SAMSN1: variants seen among roughly 807,000 people sequenced by gnomAD.
SAMSN1 encodes SAM domain-containing protein SAMSN-1.
A neutral mutation model predicts 42.0 loss-of-function variants in SAMSN1; 31 were observed. That is an observed-to-expected ratio of 0.74 (90% CI 0.55 to 1.00). The LOEUF is 1.00. Among genes scored for constraint, SAMSN1 ranks in the 50% least tolerant of loss-of-function variants. The pLI is 0.00. For synonymous variants in SAMSN1, 178 were observed against 151.9 expected, an observed-to-expected ratio of 1.17 and a Z score of -1.26; for missense variants, 464 against 439.4, an observed-to-expected ratio of 1.06 and a Z score of -0.50.
chr21:14,603,496 T>A (rs1982490189), intron 5 of SAMSN1, among the ~76,000 whole-genome samples: 1 of 151,902 alleles, frequency 6.6e-6, no homozygotes, highest in Non-Finnish European at 1.5e-5. Context: ...TTTGAAAAAG[T>A]GGAAGGAAAG....
chr21:14,557,396 T>C (rs1980795776), intron 2 of SAMSN1, among the ~76,000 whole-genome samples: 1 of 152,170 alleles, frequency 6.6e-6, no homozygotes, highest in South Asian at 2.1e-4. Context: ...CCTCTCTCCT[T>C]CAGGGACAAA....
At chr21:14,621,985 G>A (rs1414182467) in intron 2 of SAMSN1, among the ~76,000 whole-genome samples, 1 of 152,234 alleles carries the variant, frequency 6.6e-6, no homozygotes, top group Non-Finnish European at 1.5e-5. Flanking sequence ...CTGTTCTGCA[G>A]CCTCTGCTGC....
rs150653891 is a variant in SAMSN1, at chr21:14,600,176, T to C, written c.399+1847A>G. 5.6e-3 allele frequency among the ~76,000 whole-genome samples: 856 copies of C among 152,328 alleles called. 9 individuals carry two copies. The highest frequency in any genetic ancestry group is 0.019 in the African/African-American group (798 of 41,582). ...AGTTTCATGCCATAGTCCACTCTTA[T>C]GCACACTGACAAGCCACTTTGCTAC... On this transcript the variant is annotated intron_variant, in intron 6 of 15. Coordinates refer to the SAMSN1 transcript ENST00000647101.
intron 7 of SAMSN1, among the ~76,000 whole-genome samples, chr21:14,593,262 A>G (rs559196406): frequency 1.6e-4 from 25 of 152,288 alleles, no homozygotes; most frequent in African/African-American, 5.8e-4. Context: ...TCACAAAATT[A>G]CAGTTACATT....
At chr21:14,592,620 C>T (rs150401880) in intron 7 of SAMSN1, 3 of 379,298 alleles carry the variant, frequency 7.9e-6, no homozygotes, top group African/African-American at 4.3e-5. Context: ...TCTTTTGTTA[C>T]TTTACATAAA....
intron 2 of SAMSN1, among the ~76,000 whole-genome samples, chr21:14,555,089 T>C (rs1383312440): frequency 6.6e-6 from 1 of 152,176 alleles, no homozygotes; most frequent in Admixed American, 6.5e-5. Context: ...AACCTTTCCA[T>C]GCCCTGCTGG....
At chr21:14,596,842 A>G (rs994993099) in intron 6 of SAMSN1, among the ~76,000 whole-genome samples, 15 of 152,006 alleles carry the variant, frequency 9.9e-5, no homozygotes, top group African/African-American at 3.6e-4. Context: ...CACATGAGAG[A>G]CTCTAAGCTA....
chr21:14,555,464 T>C (rs931821142), intron 2 of SAMSN1, among the ~76,000 whole-genome samples: 5 of 152,214 alleles, frequency 3.3e-5, no homozygotes, highest in Non-Finnish European at 7.3e-5. Context: ...AGCTCCTAAC[T>C]ATATGAAACA....
intron 1 of SAMSN1, among the ~76,000 whole-genome samples, chr21:14,644,047 G>A (rs895272338): frequency 1.3e-5 from 2 of 152,046 alleles, no homozygotes; most frequent in African/African-American, 4.8e-5. Context: ...TTGCCGCCCA[G>A]GGCTGCAGCA....
intron 5 of SAMSN1, among the ~76,000 whole-genome samples, chr21:14,509,047 C>T (rs367768673): frequency 1.1e-4 from 17 of 151,598 alleles, no homozygotes; most frequent in South Asian, 8.3e-4. Context: ...ACCCAGGAGG[C>T]GGAGGTTTCA....
At chr21:14,529,392 A>G (rs1568789983) in intron 1 of SAMSN1, among the ~76,000 whole-genome samples, 1 of 152,174 alleles carries the variant, frequency 6.6e-6, no homozygotes, top group Non-Finnish European at 1.5e-5. Context: ...ATCCCACATT[A>G]CTCTTCAAGT....
chr21:14,562,003 A>G (rs1281494731), intron 2 of SAMSN1, among the ~76,000 whole-genome samples: 1 of 152,272 alleles, frequency 6.6e-6, no homozygotes, highest in Non-Finnish European at 1.5e-5. Context: ...AGCCTCCAGA[A>G]CTGAGACAAT....
chr21:14,623,170 A>T (rs895195833), intron 2 of SAMSN1, among the ~76,000 whole-genome samples: 2 of 152,246 alleles, frequency 1.3e-5, no homozygotes, highest in African/African-American at 4.8e-5. Context: ...AAAACATGAC[A>T]AATTGTAAAG....
chr21:14,504,773 G>T (rs189231070), intron 5 of SAMSN1, among the ~76,000 whole-genome samples: 92 of 152,310 alleles, frequency 6.0e-4, no homozygotes, highest in African/African-American at 2.2e-3. Flanking sequence ...ATTGCAAAGA[G>T]ATGATTGCCT....
chr21:14,645,278 G>A (rs1283112598), intron 1 of SAMSN1, among the ~76,000 whole-genome samples: 1 of 152,252 alleles, frequency 6.6e-6, no homozygotes, highest in Non-Finnish European at 1.5e-5. Flanking sequence ...AGGGGTGCCA[G>A]TGTCATTCCA....
At chr21:14,508,375 C>A (rs1987518790) in intron 5 of SAMSN1, among the ~76,000 whole-genome samples, 1 of 151,972 alleles carries the variant, frequency 6.6e-6, no homozygotes, top group African/African-American at 2.4e-5. Flanking sequence ...AACAAACAAT[C>A]CCATCAAAAA....
chr21:14,570,126 AG>A (rs1226521280), intron 2 of SAMSN1, among the ~76,000 whole-genome samples: 1 of 152,112 alleles, frequency 6.6e-6, no homozygotes, highest in Non-Finnish European at 1.5e-5. Flanking sequence ...GTGACTGCGC[AG>A]GTACCTCTGA....
At chr21:14,607,907 T>A (rs1982606487) in intron 5 of SAMSN1, among the ~76,000 whole-genome samples, 1 of 152,192 alleles carries the variant, frequency 6.6e-6, no homozygotes, top group Admixed American at 6.5e-5. Context: ...TATAGAAGGA[T>A]TAATAGATAA....
rs574038290 is a variant in SAMSN1, at chr21:14,621,567, C to A, written c.157-5551G>T. Among the ~76,000 whole-genome samples, 18 of 105,786 alleles carry A rather than the reference C, an allele frequency of 1.7e-4. No homozygotes were observed. The South Asian group carries it at 4.3e-3, about 25-fold the overall frequency. 69.4% of individuals were successfully genotyped at this position (105,786 alleles called of 152,430 possible). A position where few individuals can be genotyped will look rare whatever the true frequency, so the allele number is the denominator to read the frequency against. On this transcript the variant is annotated intron_variant, in intron 2 of 15. Coordinates refer to the SAMSN1 transcript ENST00000647101. ...CATTGCTAGCACAGCAGTCTGAGAT[C>A]GAACTGCAAGGTCACAGAGAGGCTG... is the stretch of plus-strand genomic sequence containing the variant.
Sources: allele counts gnomAD v4.1 joint callset (sites outside exome capture counted in the v4.1 genomes callset), GRCh38; gene constraint gnomAD v4.1.1; transcripts MANE v1.5; gene names NCBI Gene and HGNC (gene_info 2026-07-23, HGNC 2026-07-21).